Variants in CSMD2 observed in about 807,000 individuals in gnomAD.
CSMD2 encodes CUB and Sushi multiple domains 2.
Under a neutral mutation model 398.5 loss-of-function variants are expected in CSMD2, and 130 were observed. That is an observed-to-expected ratio of 0.33 (90% CI 0.28 to 0.38). The LOEUF (loss-of-function observed/expected upper bound fraction) is 0.38. Among genes scored for constraint, CSMD2 ranks in the 10% least tolerant of loss-of-function variants. CSMD2 has a pLI of 1.00. For synonymous variants in CSMD2, 1,828 were observed against 1,908.5 expected, an observed-to-expected ratio of 0.96 and a Z score of 1.10; for missense variants, 3,829 against 4,764.9, an observed-to-expected ratio of 0.80 and a Z score of 5.78.
At chr1:33,890,923 G>A (rs947521543) in intron 5 of CSMD2, among the ~76,000 whole-genome samples, 3 of 152,202 alleles carry the variant, frequency 2.0e-5, no homozygotes, top group African/African-American at 4.8e-5. Context: ...TTAAATAAAC[G>A]TTAGACCTAA....
intron 12 of CSMD2, among the ~76,000 whole-genome samples, chr1:33,787,258 T>C (rs113180825): frequency 6.6e-6 from 1 of 152,154 alleles, no homozygotes; most frequent in Non-Finnish European, 1.5e-5. Context: ...AGAGAATAAA[T>C]GTCCGTTGTG....
chr1:34,061,286 G>A (rs1009491519), intron 2 of CSMD2, among the ~76,000 whole-genome samples: 2 of 152,186 alleles, frequency 1.3e-5, no homozygotes, highest in Non-Finnish European at 2.9e-5. Flanking sequence ...TCTGTGCCAG[G>A]CCCTTGTGTG....
At chr1:33,760,230 G>A (rs533637272) in intron 13 of CSMD2, among the ~76,000 whole-genome samples, 15 of 152,258 alleles carry the variant, frequency 9.9e-5, no homozygotes, top group Admixed American at 6.5e-4. Flanking sequence ...TGCTTACCCC[G>A]GCCTTTAGGC....
chr1:33,524,756 C>T (rs1165748158), intron 66 of CSMD2, 126 bp downstream of exon 66: 12 of 913,188 alleles, frequency 1.3e-5, no homozygotes, highest in Non-Finnish European at 1.9e-5. Context: ...GACACTTCCT[C>T]TTCCCTGACC....
At chr1:33,886,523 G>A (rs185502332) in intron 5 of CSMD2, among the ~76,000 whole-genome samples, 154 of 152,296 alleles carry the variant, frequency 1.0e-3, no homozygotes, top group African/African-American at 3.6e-3. Flanking sequence ...AGAAGCTGAT[G>A]GCCTCTCTGG....
chr1:33,969,219 C>G (rs1206384297), intron 3 of CSMD2, among the ~76,000 whole-genome samples: 1 of 152,206 alleles, frequency 6.6e-6, no homozygotes, highest in African/African-American at 2.4e-5. Flanking sequence ...CATACACAAC[C>G]AATTTCAAAG....
chr1:33,864,457 A>T (rs917100126), intron 5 of CSMD2: 1 of 1,613,836 alleles, frequency 6.2e-7, no homozygotes, highest in Non-Finnish European at 8.5e-7. Context: ...AGAAAGCGGG[A>T]TCCCCAGGAA....
chr1:33,578,380 C>A (rs921732214), intron 48 of CSMD2, among the ~76,000 whole-genome samples: 1 of 152,056 alleles, frequency 6.6e-6, no homozygotes, highest in African/African-American at 2.4e-5. Context: ...GAGTTCAAGA[C>A]CAACCTGGCC....
intron 52 of CSMD2, among the ~76,000 whole-genome samples, chr1:33,568,254 C>A (rs1290741494): frequency 6.7e-6 from 1 of 148,540 alleles, no homozygotes; most frequent in Non-Finnish European, 1.5e-5. Context: ...GTGGCACGAT[C>A]TTGGCTCACT....
Position 33,571,592 on chromosome 1 carries a change from C to A in CSMD2, c.7897G>T (p.Val2633Phe). Residue 2633 changes from valine (V) to phenylalanine (F), a missense_variant, in exon 51 of 71, where the codon GTC becomes TTC. By Grantham distance (50) the Val-to-Phe change is conservative (BLOSUM62 -1). Transcript: ENST00000373381. ...DPGYYYTGQRVIRCQANGKWS... is the reference protein window; with the variant it reads ...DPGYYYTGQRFIRCQANGKWS... ...TTGCCATTGGCCTGACAGCGGATGA[C>A]CCTTTGGCCAGTATAGTAGTAGCCA... The A allele has an allele frequency of 6.4e-7, 1 of 1,569,480 alleles. No individual in the cohort carries two copies. The highest frequency in any genetic ancestry group is 8.7e-7 in the Non-Finnish European group (1 of 1,150,170).
Position 34,164,506 on chromosome 1 carries a change from C to T in CSMD2, c.187+405G>A, listed in dbSNP as rs1232426949. Among the ~76,000 whole-genome samples, 2 of 152,098 alleles carry T rather than the reference C, an allele frequency of 1.3e-5. No individual in the cohort carries two copies. Among genetic ancestry groups the T allele is most frequent in the African/African-American group, 4.8e-5 (2 of 41,444 alleles). ...TCTCCAGCCCCCAGGACCAGCGTGC[C>T]TGGCAGAATCAGGAGCCGGGGGAGT... On this transcript the variant is annotated intron_variant, in intron 1 of 70. Coordinates refer to ENST00000373381, the MANE Select transcript of CSMD2 (RefSeq NM_001281956.2). The surrounding 1 kb of genome is among the most constrained non-coding windows in gnomAD (Gnocchi z 6.2).
chr1:33,995,643 T>C (rs985508330), intron 3 of CSMD2, among the ~76,000 whole-genome samples: 1 of 152,110 alleles, frequency 6.6e-6, no homozygotes, highest in Non-Finnish European at 1.5e-5. Context: ...ATCTCACCAG[T>C]CCCCACTTCT....
At position 33,999,275 on chromosome 1, in the gene CSMD2, C is replaced by G. The variant is rs538223552; in HGVS notation, c.517+33319G>C. ...GAGGACGGGCAGTGGGAAGGGTCTT[C>G]CCTGAGATGAACAAAGAGGCAGGGC... On this transcript the variant is annotated intron_variant, in intron 3 of 70. Transcript: ENST00000373381. Among the ~76,000 whole-genome samples the G allele has an allele frequency of 5.9e-5, 9 of 152,272 alleles. No homozygotes were observed. In the South Asian group the frequency reaches 1.9e-3, roughly 32 times the overall value.
At chr1:33,903,134 C>T (rs6698883) in intron 5 of CSMD2, among the ~76,000 whole-genome samples, 141,900 of 152,266 alleles carry the variant, frequency 0.93, 66,282 homozygotes, top group East Asian at 1. Context: ...CCAAAACTCT[C>T]TGGAAGGAAA....
At chr1:33,548,196 G>T (rs1194547541) in intron 56 of CSMD2, among the ~76,000 whole-genome samples, 1 of 152,182 alleles carries the variant, frequency 6.6e-6, no homozygotes, top group Admixed American at 6.5e-5. Flanking sequence ...AAATTACCAG[G>T]CTCAGGTATG....
chr1:33,574,178 G>C (rs1659856525), intron 49 of CSMD2, among the ~76,000 whole-genome samples: 1 of 152,244 alleles, frequency 6.6e-6, no homozygotes, highest in East Asian at 1.9e-4. Flanking sequence ...CCATGAAAAA[G>C]AGGGTGAAAA....
chr1:33,825,880 G>T, intron 6 of CSMD2, 106 bp from the exon 7 acceptor site: 1 of 895,526 alleles, frequency 1.1e-6, no homozygotes, highest in Non-Finnish European at 1.7e-6. Flanking sequence ...TTCCATGGTG[G>T]GTCAAAGCCA....
chr1:33,654,859 G>T (rs1468993146), intron 27 of CSMD2, among the ~76,000 whole-genome samples: 1 of 152,166 alleles, frequency 6.6e-6, no homozygotes, highest in Non-Finnish European at 1.5e-5. Context: ...CCACAGATGG[G>T]GTGAGTCTCT....
intron 3 of CSMD2, among the ~76,000 whole-genome samples, chr1:33,939,550 A>C (rs1644597658): frequency 6.6e-6 from 1 of 152,164 alleles, no homozygotes; most frequent in African/African-American, 2.4e-5. Flanking sequence ...TTAAATTACT[A>C]ATGTCAAATT....
Sources: allele counts gnomAD v4.1 joint callset (sites outside exome capture counted in the v4.1 genomes callset), GRCh38; gene constraint gnomAD v4.1.1; non-coding constraint Gnocchi (gnomAD v3.1); transcripts MANE v1.5; gene names NCBI Gene and HGNC (gene_info 2026-07-23, HGNC 2026-07-21).